The following CARS1 variants were observed in gnomAD, a reference collection of about 807,000 sequenced individuals.
CARS1 encodes cysteinyl-tRNA synthetase 1.
A neutral mutation model predicts 106.2 loss-of-function variants in CARS1; 48 were observed. The ratio of observed to expected loss-of-function variants is 0.45; its 90% CI spans 0.36 to 0.57. The LOEUF is 0.57. Ranked by LOEUF, CARS1 falls within the 20% of genes least tolerant of loss-of-function variation. The pLI, the probability that CARS1 is intolerant of heterozygous loss-of-function variation, is 0.00. For missense variants in CARS1, 968 were observed against 1,057.2 expected (o/e 0.92, Z 1.17); for synonymous variants, 409 against 403.4 (o/e 1.01, Z -0.17).
chr11:3,057,180 A>G (rs1199481177), intron 1 of CARS1, among the ~76,000 whole-genome samples, 163 bp downstream of exon 1: 1 of 151,072 alleles, frequency 6.6e-6, no homozygotes, highest in Non-Finnish European at 1.5e-5. Flanking sequence ...GACACCCCTC[A>G]GACCTCGGGC....
chr11:3,036,226 C>T (rs1853608518), intron 7 of CARS1, among the ~76,000 whole-genome samples: 1 of 152,230 alleles, frequency 6.6e-6, no homozygotes, highest in East Asian at 1.9e-4. Context: ...TGTGTCACTG[C>T]TACAAACCTT....
At position 3,047,807 on chromosome 11, in the gene CARS1, C is replaced by A. The variant is rs767355098; in HGVS notation, c.220G>T (p.Glu74Ter). Residue 74 changes from glutamate to a stop codon, truncating the protein, a stop_gained, in exon 2 of 23, where the codon GAA becomes TAA. Coordinates refer to ENST00000380525, the MANE Select transcript of CARS1 (RefSeq NM_001014437.3). LOFTEE classifies it high-confidence loss of function. ...FHVARWFRHI[E>*]ALLGSPCGKG... ...CCACAGGGGCTACCCAGGAGCGCTT[C>A]TATGTGCCTGAACCACCGAGCCACG... is the stretch of plus-strand genomic sequence containing the variant. 1.2e-6 allele frequency: 2 copies of A among 1,614,004 alleles called. No individual in the cohort carries two copies. Among genetic ancestry groups the A allele is most frequent in the African/African-American group, 2.7e-5 (2 of 74,934 alleles).
At position 3,052,236 on chromosome 11, in the gene CARS1, G is replaced by A. The variant is rs976593348; in HGVS notation, c.26-4235C>T. Among the ~76,000 whole-genome samples, 2 of 152,222 alleles carry A rather than the reference G, an allele frequency of 1.3e-5. No individual in the cohort carries two copies. Among genetic ancestry groups the A allele is most frequent in the Non-Finnish European group, 2.9e-5 (2 of 68,048 alleles). The stretch of plus-strand genomic sequence containing the variant: ...CGGCCCCGACGCCCTCCAGGGCTGA[G>A]TACCTACACTCACACACACGGCGGC... On this transcript the variant is annotated intron_variant, in intron 1 of 22. Coordinates refer to ENST00000380525, the MANE Select transcript of CARS1 (RefSeq NM_001014437.3). This position sits in a 1 kb window ranked among gnomAD's most constrained non-coding sequence, Gnocchi z 4.6.
chr11:3,013,371 C>T (rs1034186245), intron 17 of CARS1, among the ~76,000 whole-genome samples: 3 of 152,078 alleles, frequency 2.0e-5, no homozygotes, highest in Non-Finnish European at 4.4e-5. Flanking sequence ...AGGCTGGTCT[C>T]GAACTCCCGA....
In CARS1 at chr11:3,003,694, G is replaced by T. The variant is rs573972359; in HGVS notation, c.2218-1094C>A. On this transcript the variant is annotated intron_variant, in intron 20 of 22. Transcript: ENST00000380525. This position sits in a 1 kb window ranked among gnomAD's most constrained non-coding sequence, Gnocchi z 4.8. ...CTGGCCGAGGGAAAGGGGCTGAGGT[G>T]GGGGAGGAGCTGGGCACTGAGCTTG... 2.6e-5 allele frequency among the ~76,000 whole-genome samples: 4 copies of T among 152,182 alleles called. No homozygotes were observed. The highest frequency in any genetic ancestry group is 6.5e-5 in the Admixed American group (1 of 15,288).
At position 3,048,038 on chromosome 11, in the gene CARS1, G is replaced by C; in HGVS notation, c.26-37C>G. 3.1e-6 allele frequency: 5 copies of C among 1,600,992 alleles called. No individual in the cohort carries two copies. Among genetic ancestry groups the C allele is most frequent in the Non-Finnish European group, 4.3e-6 (5 of 1,170,980 alleles). On this transcript the variant is annotated intron_variant, in intron 1 of 22. Coordinates refer to ENST00000380525, the MANE Select transcript of CARS1 (RefSeq NM_001014437.3). This position sits in a 1 kb window ranked among gnomAD's most constrained non-coding sequence, Gnocchi z 5.1. ...GAGGGCACATGGTGTCAGGCAGGCA[G>C]GCGGGCAGCCCAGAGGCCGCCAGAA...
At chr11:3,010,912 T>G (rs1850385118) in intron 18 of CARS1, among the ~76,000 whole-genome samples, 1 of 152,214 alleles carries the variant, frequency 6.6e-6, no homozygotes, top group African/African-American at 2.4e-5. Context: ...CCCTCCATAA[T>G]GGGCTCTGCA....
At chr11:3,018,945 T>C (rs80164360) in intron 12 of CARS1, among the ~76,000 whole-genome samples, 194 bp downstream of exon 12, 3,541 of 152,282 alleles carry the variant, frequency 0.023, 147 homozygotes, top group African/African-American at 0.08. Flanking sequence ...TCCAGGCTAG[T>C]CTGTTGCCAA....
rs759480755 is a variant in CARS1, at chr11:3,017,189, T to C, written c.1834A>G (p.Met612Val). The change falls in exon 16 of 23, where the codon ATG (methionine) becomes GTG (valine). Residue 612 changes from methionine (M) to valine (V), a missense_variant. Coordinates refer to ENST00000380525, the MANE Select transcript of CARS1 (RefSeq NM_001014437.3). This position sits in a 1 kb window ranked among gnomAD's most constrained non-coding sequence, Gnocchi z 4.9. ...TTCCTCACGGCTTTCCGGGCTGCCA[T>C]ATAGAGGTTGCACTGACTGACCAAG... is the stretch of plus-strand genomic sequence containing the variant. ...RALVSQCNLY[M>V]AARKAVRKRP... 2 of 1,614,128 alleles carry C rather than the reference T, an allele frequency of 1.2e-6. No homozygotes were observed. Among genetic ancestry groups the C allele is most frequent in the South Asian group, 1.1e-5 (1 of 91,084 alleles).
intron 20 of CARS1, 109 bp from the exon 21 acceptor site, chr11:3,002,709 G>A (rs959524187): frequency 1.5e-5 from 23 of 1,545,724 alleles, no homozygotes; most frequent in Admixed American, 1.3e-4. Flanking sequence ...CTGGCATGGA[G>A]GGCTGAACTC....
At chr11:3,010,150 C>T (rs1470589115) in intron 18 of CARS1, among the ~76,000 whole-genome samples, 35 of 152,240 alleles carry the variant, frequency 2.3e-4, no homozygotes, top group Admixed American at 2.3e-3. Flanking sequence ...CTGGCTGGTG[C>T]CACTCTCCAG....
intron 17 of CARS1, among the ~76,000 whole-genome samples, chr11:3,014,162 G>T (rs146773097): frequency 1.6e-4 from 25 of 152,304 alleles, no homozygotes; most frequent in African/African-American, 6.0e-4. Context: ...GCTAGGCTCA[G>T]TTCCAGCCCT....
chr11:3,013,745 C>A (rs1850724753), intron 17 of CARS1, among the ~76,000 whole-genome samples: 1 of 152,010 alleles, frequency 6.6e-6, no homozygotes, highest in Non-Finnish European at 1.5e-5. Flanking sequence ...CCCAGCTACT[C>A]AGGAGGCTGA....
At position 3,017,567 on chromosome 11, in the gene CARS1, C is replaced by T. The variant is rs889093437; in HGVS notation, c.1728-272G>A. 9.0e-6 allele frequency: 5 copies of T among 552,584 alleles called. No homozygotes were observed. Among genetic ancestry groups the T allele is most frequent in the South Asian group, 2.5e-5 (1 of 40,520 alleles). The allele number at this position is 552,584 out of a possible 1,614,324, so 34.2% of individuals were successfully genotyped here. A position where few individuals can be genotyped will look rare whatever the true frequency, so the allele number is the denominator to read the frequency against. On this transcript the variant is annotated intron_variant, in intron 15 of 22. Coordinates refer to ENST00000380525, the MANE Select transcript of CARS1 (RefSeq NM_001014437.3). This position sits in a 1 kb window ranked among gnomAD's most constrained non-coding sequence, Gnocchi z 4.9. ...CTGAGGCAGGAGAATCGCTCGAACC[C>T]GGGAGGTGGAGGTTGTGGTGAGCCG... is the stretch of plus-strand genomic sequence containing the variant.
Position 3,004,640 on chromosome 11 carries a change from C to T in CARS1, c.2217+726G>A, listed in dbSNP as rs1168545939. Among the ~76,000 whole-genome samples the T allele has an allele frequency of 2.0e-5, 3 of 152,248 alleles. No homozygotes were observed. The highest frequency in any genetic ancestry group is 4.8e-5 in the African/African-American group (2 of 41,464). On this transcript the variant is annotated intron_variant, in intron 20 of 22. Coordinates refer to ENST00000380525, the MANE Select transcript of CARS1 (RefSeq NM_001014437.3). The surrounding 1 kb of genome is among the most constrained non-coding windows in gnomAD (Gnocchi z 5.2). ...CATGCGCTGTGCCCAGAGATTCTGA[C>T]ATTGCGTTTTTGTTCCTGTTCTTCT...
rs1564805991 is a variant in CARS1 at position 3,057,398 on chromosome 11, T to C, written c.-31A>G. 6 of 1,604,164 alleles carry C rather than the reference T, an allele frequency of 3.7e-6. No individual in the cohort carries two copies. The Admixed American group carries it at 8.4e-5, about 22-fold the overall frequency. On this transcript the variant is annotated 5_prime_UTR_variant, in exon 1 of 23. Coordinates refer to ENST00000380525, the MANE Select transcript of CARS1 (RefSeq NM_001014437.3). ...GGAATCCCGGACCCGCAGCTGCGGC[T>C]ACAGACACTTCCTAGAATCTGATGC...
At chr11:3,051,583 G>T (rs1855703653) in intron 1 of CARS1, among the ~76,000 whole-genome samples, 1 of 152,214 alleles carries the variant, frequency 6.6e-6, no homozygotes, top group Admixed American at 6.5e-5. Flanking sequence ...CCAGCCAGGA[G>T]ACTTCTAGTT....
Position 3,039,294 on chromosome 11 carries a change from TG to T in CARS1, c.553-3del. 1 of 1,597,630 alleles carries T rather than the reference TG, an allele frequency of 6.3e-7. No homozygotes were observed. The highest frequency in any genetic ancestry group is 8.6e-7 in the Non-Finnish European group (1 of 1,165,238). The stretch of plus-strand genomic sequence containing the variant: ...GTTCTGCCGGGCCCTCTTGATGATC[TG>T]GGGAGGGAAGGCAGACATTGGGGAG... On this transcript the variant is annotated splice_polypyrimidine_tract_variant and splice_region_variant and intron_variant, in intron 5 of 22. Coordinates refer to ENST00000380525, the MANE Select transcript of CARS1 (RefSeq NM_001014437.3). The surrounding 1 kb of genome is among the most constrained non-coding windows in gnomAD (Gnocchi z 5.6).
intron 16 of CARS1, among the ~76,000 whole-genome samples, chr11:3,016,849 G>A (rs1246894815): frequency 6.6e-6 from 1 of 152,174 alleles, no homozygotes; most frequent in African/African-American, 2.4e-5. Flanking sequence ...CCTGGGCTCA[G>A]GTGATACACT....
Sources: gnomAD v4.1 joint callset for allele counts (sites outside exome capture counted in the v4.1 genomes callset) on GRCh38, gnomAD v4.1.1 for gene constraint, Gnocchi (gnomAD v3.1) non-coding constraint, MANE v1.5 for transcripts, NCBI Gene and HGNC (gene_info 2026-07-23, HGNC 2026-07-21) for gene names.